Variants in HYCC1 observed in about 807,000 individuals in gnomAD.
HYCC1 encodes hyccin.
At chr7:22,940,249 T>C in the HYCC1 span, 1 of 129,312 alleles carries the variant, frequency 7.7e-6, no homozygotes, top group Non-Finnish European at 1.6e-5. Context: ...TTTTTTTTTT[T>C]TTTTTTTTTT....
the HYCC1 span, among the ~76,000 whole-genome samples, chr7:22,989,967 A>T: frequency 1.3e-5 from 2 of 152,214 alleles, no homozygotes; most frequent in African/African-American, 4.8e-5. Context: ...ATTATAAAAA[A>T]GTTTGTTGTT....
the HYCC1 span, among the ~76,000 whole-genome samples, chr7:22,908,079 G>A: frequency 6.6e-6 from 1 of 152,130 alleles, no homozygotes; most frequent in Non-Finnish European, 1.5e-5. Flanking sequence ...ACTTAAAGGA[G>A]GATTAAGACC....
the HYCC1 span, among the ~76,000 whole-genome samples, chr7:22,981,302 A>G: frequency 1.3e-5 from 2 of 152,230 alleles, no homozygotes; most frequent in African/African-American, 2.4e-5. Flanking sequence ...AATAATGAAA[A>G]AGTACTATTA....
chr7:22,905,064 A>C, the HYCC1 span, among the ~76,000 whole-genome samples: 1 of 152,084 alleles, frequency 6.6e-6, no homozygotes, highest in Non-Finnish European at 1.5e-5. Context: ...GGGAGGGGCC[A>C]CACAGTTTTA....
At chr7:22,913,304 T>C in the HYCC1 span, among the ~76,000 whole-genome samples, 1 of 152,088 alleles carries the variant, frequency 6.6e-6, no homozygotes, top group Admixed American at 6.5e-5. Flanking sequence ...ATTCTTGGAG[T>C]CTACAGTTGG....
chr7:23,002,572 G>T, the HYCC1 span, among the ~76,000 whole-genome samples: 1 of 152,106 alleles, frequency 6.6e-6, no homozygotes. Context: ...AAAGGTGAAG[G>T]AGGAGGCAAA....
chr7:22,976,512 A>G, the HYCC1 span, among the ~76,000 whole-genome samples: 1 of 152,220 alleles, frequency 6.6e-6, no homozygotes, highest in African/African-American at 2.4e-5. Flanking sequence ...TCAGTGTTCC[A>G]GCTGACACCT....
chr7:22,985,439 T>C, the HYCC1 span: 1 of 152,132 alleles, frequency 6.6e-6, no homozygotes, highest in South Asian at 2.1e-4. Context: ...GAAATGAAAA[T>C]TGCCATTGCT....
At chr7:22,901,221 CAAAA>C in the HYCC1 span, among the ~76,000 whole-genome samples, 1 of 21,524 alleles carries the variant, frequency 4.6e-5, no homozygotes, top group African/African-American at 2.2e-4. Context: ...GACCCTGTCT[CAAAA>C]AAAAAAAAAA....
chr7:22,945,888 A>G, the HYCC1 span: 1 of 1,613,744 alleles, frequency 6.2e-7, no homozygotes, highest in East Asian at 2.2e-5. Context: ...AGTCTCTTCA[A>G]AGAGAGAAGC....
the HYCC1 span, among the ~76,000 whole-genome samples, chr7:22,965,064 G>A: frequency 2.6e-5 from 4 of 151,618 alleles, no homozygotes; most frequent in East Asian, 1.9e-4. Flanking sequence ...AACCTGGGAG[G>A]TGGAGGTTGC....
At chr7:22,996,588 T>C in the HYCC1 span, among the ~76,000 whole-genome samples, 8 of 104,502 alleles carry the variant, frequency 7.7e-5, no homozygotes, top group Non-Finnish European at 1.3e-4. Context: ...CCACGTACAG[T>C]ACAATTGTTA....
the HYCC1 span, among the ~76,000 whole-genome samples, chr7:22,987,852 A>G: frequency 2.0e-5 from 3 of 152,300 alleles, no homozygotes; most frequent in East Asian, 5.8e-4. Flanking sequence ...TTACTCAATC[A>G]TGATGACTTG....
chr7:22,964,278 T>C, the HYCC1 span: 1 of 652,470 alleles, frequency 1.5e-6, no homozygotes, highest in Admixed American at 2.6e-5. Flanking sequence ...ATTAAAACTA[T>C]TATCAAGATC....
chr7:22,978,240 AG>A, the HYCC1 span: 1 of 1,606,916 alleles, frequency 6.2e-7, no homozygotes, highest in South Asian at 1.1e-5. Flanking sequence ...TTGTCAAAAA[AG>A]ATTTTGTTAA....
chr7:22,948,878 G>A, the HYCC1 span, among the ~76,000 whole-genome samples: 11 of 152,164 alleles, frequency 7.2e-5, no homozygotes, highest in Non-Finnish European at 1.5e-4. Context: ...AACCAAGCCT[G>A]TTTCCAATTG....
At chr7:23,011,943 C>T in the HYCC1 span, among the ~76,000 whole-genome samples, 3 of 152,190 alleles carry the variant, frequency 2.0e-5, no homozygotes, top group Admixed American at 6.6e-5. Context: ...TCTCCTACTA[C>T]ACTAGGCATA....
At chr7:22,964,594 A>C in the HYCC1 span, 5 of 902,318 alleles carry the variant, frequency 5.5e-6, no homozygotes, top group Non-Finnish European at 9.3e-6. Context: ...TTATTTTAAC[A>C]TTTATAAGCC....
the HYCC1 span, among the ~76,000 whole-genome samples, chr7:22,962,052 C>G: frequency 6.7e-6 from 1 of 150,128 alleles, no homozygotes; most frequent in Non-Finnish European, 1.5e-5. Context: ...ACATTGCTCC[C>G]ACCATAAAAA....
Sources: gnomAD v4.1 joint callset for allele counts (sites outside exome capture counted in the v4.1 genomes callset) on GRCh38, gnomAD v4.1.1 for gene constraint, MANE v1.5 for transcripts, NCBI Gene and HGNC (gene_info 2026-07-23, HGNC 2026-07-21) for gene names.